The following KCNIP4 variants were observed in gnomAD, a reference collection of about 807,000 sequenced individuals.
KCNIP4 encodes the protein potassium voltage-gated channel interacting protein 4.
A neutral mutation model predicts 34.0 loss-of-function variants in KCNIP4; 12 were observed. The ratio of observed to expected loss-of-function variants is 0.35; its 90% CI spans 0.23 to 0.57. KCNIP4 has a LOEUF of 0.57. Among genes scored for constraint, KCNIP4 ranks in the 20% least tolerant of loss-of-function variants. KCNIP4 has a pLI of 0.83. For missense variants in KCNIP4, 238 were observed against 311.7 expected, an observed-to-expected ratio of 0.76 and a Z score of 1.78; for synonymous variants, 124 against 102.2, an observed-to-expected ratio of 1.21 and a Z score of -1.29.
rs116231670 is a variant in KCNIP4 at position 21,289,555 on chromosome 4, A to G, written c.62-406846T>C. On this transcript the variant is annotated intron_variant, in intron 1 of 8. Coordinates refer to ENST00000382152, the MANE Select transcript of KCNIP4 (RefSeq NM_025221.6). ...ATAAATCTAGTAATGAAAGAGGAAA[A>G]TTATATGGATCATCCCTAAGGACAA... 7.7e-3 allele frequency among the ~76,000 whole-genome samples: 1,175 copies of G among 152,278 alleles called. 18 individuals are homozygous for G. The highest frequency in any genetic ancestry group is 0.027 in the African/African-American group (1,110 of 41,550).
chr4:21,622,205 T>C (rs1745040225), intron 1 of KCNIP4, among the ~76,000 whole-genome samples: 1 of 152,196 alleles, frequency 6.6e-6, no homozygotes, highest in South Asian at 2.1e-4. Flanking sequence ...GTACAAATGA[T>C]GTATAATTAA....
Position 21,400,494 on chromosome 4 carries a change from C to CTCTT in KCNIP4, c.62-517786_62-517785insAAGA, listed in dbSNP as rs1560369030. On this transcript the variant is annotated intron_variant, in intron 1 of 8. Coordinates refer to ENST00000382152, the MANE Select transcript of KCNIP4 (RefSeq NM_025221.6). ...TCTCCTCTCCTCTCCTCTCCTCTCC[C>CTCTT]CTCCCTTCCCCTCCCTTCCTCTTCT... 5.7e-3 allele frequency among the ~76,000 whole-genome samples: 542 copies of CTCTT among 94,954 alleles called. 37 individuals carry two copies. The highest frequency in any genetic ancestry group is 0.032 in the African/African-American group (514 of 15,874). 62.3% of individuals were successfully genotyped at this position (94,954 alleles called of 152,430 possible). A position where few individuals can be genotyped will look rare whatever the true frequency, so the allele number is the denominator to read the frequency against.
chr4:20,888,703 A>G (rs1176922998), intron 1 of KCNIP4, among the ~76,000 whole-genome samples: 3 of 152,200 alleles, frequency 2.0e-5, no homozygotes, highest in African/African-American at 7.2e-5. Context: ...TTAATTGGCT[A>G]CATAAACCAC....
chr4:21,654,226 C>T (rs1232451489), intron 1 of KCNIP4, among the ~76,000 whole-genome samples: 2 of 152,168 alleles, frequency 1.3e-5, no homozygotes, highest in Non-Finnish European at 2.9e-5. Flanking sequence ...AGCATACACA[C>T]TTCCCCAAAC....
At chr4:21,395,203 CA>C (rs1722883852) in intron 1 of KCNIP4, among the ~76,000 whole-genome samples, 1 of 152,040 alleles carries the variant, frequency 6.6e-6, no homozygotes, top group South Asian at 2.1e-4. Context: ...ATAAGGCTTC[CA>C]TAAATCCCTT....
intron 1 of KCNIP4, among the ~76,000 whole-genome samples, chr4:21,340,140 AT>A: frequency 6.6e-6 from 1 of 152,102 alleles, no homozygotes; most frequent in Admixed American, 6.6e-5. Flanking sequence ...GTTAATCATC[AT>A]TTTTCCCCCT....
At chr4:21,652,529 T>C (rs1219983778) in intron 1 of KCNIP4, among the ~76,000 whole-genome samples, 3 of 152,134 alleles carry the variant, frequency 2.0e-5, no homozygotes, top group African/African-American at 7.2e-5. Context: ...CATTGGGGCC[T>C]GAAAACCTGC....
At chr4:21,694,930 A>T (rs911454598) in intron 1 of KCNIP4, among the ~76,000 whole-genome samples, 1 of 109,938 alleles carries the variant, frequency 9.1e-6, no homozygotes, top group Non-Finnish European at 2.0e-5. Flanking sequence ...AAAAAAAAAA[A>T]TAAAAATAAA....
intron 1 of KCNIP4, among the ~76,000 whole-genome samples, chr4:21,603,624 T>C (rs1743393590): frequency 6.6e-6 from 1 of 152,094 alleles, no homozygotes; most frequent in Non-Finnish European, 1.5e-5. Flanking sequence ...CCAACTTCTG[T>C]TATTTGGAAA....
intron 1 of KCNIP4, among the ~76,000 whole-genome samples, chr4:20,942,136 C>T (rs1009714859): frequency 1.1e-4 from 16 of 152,258 alleles, no homozygotes; most frequent in African/African-American, 3.6e-4. Context: ...TCCTGACCAC[C>T]CAGCATAGCA....
chr4:21,519,160 T>C (rs1036482674), intron 1 of KCNIP4, among the ~76,000 whole-genome samples: 7 of 152,022 alleles, frequency 4.6e-5, no homozygotes, highest in Non-Finnish European at 8.8e-5. Context: ...TGGGAGGTGA[T>C]TGAGACTTAA....
chr4:21,317,541 T>C (rs1170895295), intron 1 of KCNIP4, among the ~76,000 whole-genome samples: 1 of 152,214 alleles, frequency 6.6e-6, no homozygotes, highest in South Asian at 2.1e-4. Context: ...ACTCCTATTA[T>C]ACATATAAGG....
intron 1 of KCNIP4, among the ~76,000 whole-genome samples, chr4:21,291,060 GTTTT>G (rs1560258382): frequency 1.3e-5 from 2 of 152,142 alleles, no homozygotes; most frequent in East Asian, 3.9e-4. Context: ...TAGTCAGGGT[GTTTT>G]CCTCCCAAAG....
intron 1 of KCNIP4, among the ~76,000 whole-genome samples, chr4:21,362,845 T>A (rs1269758063): frequency 1.3e-5 from 2 of 152,132 alleles, no homozygotes; most frequent in African/African-American, 4.8e-5. Flanking sequence ...TTTATATGCA[T>A]CCTTCCTGTC....
At chr4:21,149,717 A>G (rs1017701893) in intron 1 of KCNIP4, among the ~76,000 whole-genome samples, 2 of 152,190 alleles carry the variant, frequency 1.3e-5, no homozygotes, top group Non-Finnish European at 2.9e-5. Context: ...TTTAGTCCAG[A>G]GGCAAGACTA....
intron 1 of KCNIP4, among the ~76,000 whole-genome samples, chr4:21,230,604 C>T (rs1758722234): frequency 6.6e-6 from 1 of 152,116 alleles, no homozygotes; most frequent in Admixed American, 6.6e-5. Context: ...TTATAAGTGA[C>T]AACATATGGT....
intron 1 of KCNIP4, among the ~76,000 whole-genome samples, chr4:20,888,910 A>C (rs1725610635): frequency 6.6e-6 from 1 of 152,148 alleles, no homozygotes; most frequent in Non-Finnish European, 1.5e-5. Flanking sequence ...TTGTAAATGA[A>C]CCTGTTAAAT....
In KCNIP4 at chr4:20,789,650, T is replaced by G. The variant is rs1206514464; in HGVS notation, c.289-30760A>C. Reference sequence around the variant, plus strand: ...AGCACTAGGTCATTGAGGTTTGCCCTCTTTTGCTGCTCTCAGGACATCATC... The same window carrying G: ...AGCACTAGGTCATTGAGGTTTGCCCGCTTTTGCTGCTCTCAGGACATCATC... On this transcript the variant is annotated intron_variant, in intron 3 of 8. Transcript: ENST00000382152. Among the ~76,000 whole-genome samples, 3 of 152,056 alleles carry G rather than the reference T, an allele frequency of 2.0e-5. No individual in the cohort carries two copies. The East Asian group carries it at 5.8e-4, about 29-fold the overall frequency.
At chr4:21,441,209 T>G (rs937957212) in intron 1 of KCNIP4, among the ~76,000 whole-genome samples, 45 of 151,452 alleles carry the variant, frequency 3.0e-4, no homozygotes, top group African/African-American at 1.0e-3. Context: ...TGGCGTGATC[T>G]CGGCTCACTG....
Sources: allele counts gnomAD v4.1 joint callset (sites outside exome capture counted in the v4.1 genomes callset), GRCh38; gene constraint gnomAD v4.1.1; transcripts MANE v1.5; gene names NCBI Gene and HGNC (gene_info 2026-07-23, HGNC 2026-07-21).